DCUN1D4: variants seen among roughly 807,000 people sequenced by gnomAD.
DCUN1D4 encodes the protein DCN1-like protein 4.
Under a neutral mutation model 47.9 loss-of-function variants are expected in DCUN1D4, and 22 were observed. The ratio of observed to expected loss-of-function variants is 0.46; its 90% CI spans 0.33 to 0.66. The LOEUF (loss-of-function observed/expected upper bound fraction) is 0.66. Among genes scored for constraint, DCUN1D4 ranks in the 30% least tolerant of loss-of-function variants. DCUN1D4 has a pLI of 0.02. For missense variants in DCUN1D4, 301 were observed against 340.8 expected, an observed-to-expected ratio of 0.88 and a Z score of 0.92; for synonymous variants, 121 against 112.2, an observed-to-expected ratio of 1.08 and a Z score of -0.50.
chr4:51,880,433 C>G (rs1294207096), intron 5 of DCUN1D4, among the ~76,000 whole-genome samples: 4 of 152,124 alleles, frequency 2.6e-5, no homozygotes, highest in African/African-American at 9.7e-5. Context: ...CAGCGGGGGC[C>G]TGGTGTGTGA....
the DCUN1D4 span, among the ~76,000 whole-genome samples, chr4:51,837,017 T>C: frequency 2.0e-5 from 3 of 152,194 alleles, no homozygotes; most frequent in African/African-American, 7.2e-5. Flanking sequence ...GTCCAGCCCC[T>C]GCTAGCTGGA....
chr4:51,851,928 T>A (rs1214929579), intron 1 of DCUN1D4, among the ~76,000 whole-genome samples: 2 of 152,250 alleles, frequency 1.3e-5, no homozygotes, highest in Non-Finnish European at 1.5e-5. Flanking sequence ...ATGGTCTTGG[T>A]AACCCTCTAC....
Position 51,886,219 on chromosome 4 carries a change from A to G in DCUN1D4, c.344-349A>G, listed in dbSNP as rs183254475. 2.3e-3 allele frequency among the ~76,000 whole-genome samples: 343 copies of G among 152,264 alleles called. 1 individual carries two copies. Among genetic ancestry groups the G allele is most frequent in the African/African-American group, 7.7e-3 (319 of 41,554 alleles). On this transcript the variant is annotated intron_variant, in intron 5 of 10. Coordinates refer to ENST00000334635, the MANE Select transcript of DCUN1D4 (RefSeq NM_001040402.3). Reference sequence around the variant, plus strand: ...AGAGACTATTATGTGGTTCTTTGCTATGTTTCCAAAAATTATTTTATGTAT... The same window carrying G: ...AGAGACTATTATGTGGTTCTTTGCTGTGTTTCCAAAAATTATTTTATGTAT...
chr4:51,892,739 T>C (rs1730626663), intron 7 of DCUN1D4, among the ~76,000 whole-genome samples: 1 of 152,204 alleles, frequency 6.6e-6, no homozygotes, highest in Admixed American at 6.5e-5. Context: ...CATTCTATAT[T>C]AGGCCTTGAA....
chr4:51,909,387 C>T (rs1205112641), intron 8 of DCUN1D4: 5 of 183,082 alleles, frequency 2.7e-5, no homozygotes, highest in Non-Finnish European at 4.6e-5. Flanking sequence ...ACAGTTTACT[C>T]GTTTATCTTG....
chr4:51,914,077 A>G lies in DCUN1D4; in HGVS notation c.*493A>G, dbSNP rs1395917075. The stretch of plus-strand genomic sequence containing the variant: ...GTTTAAGAGGCCAACTTCTGGAAGG[A>G]GGTAGGAGTCATAACTTTTTAGAGG... On this transcript the variant is annotated 3_prime_UTR_variant, in exon 11 of 11. Transcript: ENST00000334635. 6.5e-6 allele frequency: 1 copy of G among 153,396 alleles called. No individual in the cohort carries two copies. The highest frequency in any genetic ancestry group is 1.5e-5 in the Non-Finnish European group (1 of 68,662). 9.5% of individuals were successfully genotyped at this position (153,396 alleles called of 1,614,324 possible). A position where few individuals can be genotyped will look rare whatever the true frequency, so the allele number is the denominator to read the frequency against.
chr4:51,868,775 G>A (rs566252372), intron 3 of DCUN1D4, among the ~76,000 whole-genome samples: 17 of 152,266 alleles, frequency 1.1e-4, no homozygotes, highest in Non-Finnish European at 1.8e-4. Context: ...AAGAGAGAAT[G>A]AATTAGTGGC....
chr4:51,904,075 A>G (rs1732513826), intron 8 of DCUN1D4, among the ~76,000 whole-genome samples: 2 of 151,252 alleles, frequency 1.3e-5, no homozygotes, highest in Non-Finnish European at 2.9e-5. Flanking sequence ...TATGAATTTT[A>G]GGTATTTGGT....
At chr4:51,866,087 G>C (rs1388198002) in intron 3 of DCUN1D4, among the ~76,000 whole-genome samples, 1 of 152,174 alleles carries the variant, frequency 6.6e-6, no homozygotes. Flanking sequence ...GAGTGAGACA[G>C]AGAGGCAGAG....
At chr4:51,844,714 G>T (rs1722232773) in intron 1 of DCUN1D4, among the ~76,000 whole-genome samples, 1 of 151,902 alleles carries the variant, frequency 6.6e-6, no homozygotes, top group Non-Finnish European at 1.5e-5. Context: ...CGCTTGAGGG[G>T]TTTCCTTTAG....
chr4:51,866,378 GTGATGATGA>G (rs540585746), intron 3 of DCUN1D4, among the ~76,000 whole-genome samples: 8 of 148,944 alleles, frequency 5.4e-5, no homozygotes, highest in Admixed American at 2.0e-4. Flanking sequence ...CCAAATTATG[GTGATGATGA>G]TGATGATGAT....
At chr4:51,911,007 G>A in intron 8 of DCUN1D4, 63 bp from the exon 9 acceptor site, 3 of 1,465,142 alleles carry the variant, frequency 2.0e-6, no homozygotes, top group Non-Finnish European at 2.9e-6. Context: ...ATACACATTT[G>A]CAATTATTGG....
chr4:51,839,878 C>T (rs903851175), upstream of DCUN1D4, among the ~76,000 whole-genome samples: 3 of 152,300 alleles, frequency 2.0e-5, no homozygotes, highest in Non-Finnish European at 2.9e-5. Context: ...TAGGGGAAAG[C>T]GTAACATTTG....
At chr4:51,845,065 CCTTA>C (rs1577809915) in intron 1 of DCUN1D4, 1 of 985,472 alleles carries the variant, frequency 1.0e-6, no homozygotes. Context: ...CATTTTGTGG[CCTTA>C]CTTGTGGAAT....
chr4:51,904,013 C>T (rs780408903), intron 8 of DCUN1D4, among the ~76,000 whole-genome samples: 25 of 151,982 alleles, frequency 1.6e-4, no homozygotes, highest in Middle Eastern at 3.4e-3. Flanking sequence ...GAGTTACTTG[C>T]CCAGCTTCTT....
At chr4:51,834,103 C>CTTTTTTTTTTTTTTTTTTTTTTTT in the DCUN1D4 span, among the ~76,000 whole-genome samples, 26 of 42,574 alleles carry the variant, frequency 6.1e-4, 5 homozygotes, top group South Asian at 2.1e-3. Flanking sequence ...TTTCTTCTTT[C>CTTTTTTTTTTTTTTTTTTTTTTTT]TTTTTTTTTT....
In DCUN1D4 at chr4:51,899,167, G is replaced by T. The variant is rs536465273; in HGVS notation, c.507-103G>T. 2.9e-6 allele frequency: 4 copies of T among 1,399,774 alleles called. No homozygotes were observed. In the East Asian group the frequency reaches 1.1e-4, roughly 39 times the overall value. 86.7% of individuals were successfully genotyped at this position (1,399,774 alleles called of 1,614,324 possible). A position where few individuals can be genotyped will look rare whatever the true frequency, so the allele number is the denominator to read the frequency against. ...AGGTTATGGATGTGTTTCAACTTCA[G>T]GGATTTGTTCTTTCCTTTGGTATTG... On this transcript the variant is annotated intron_variant, in intron 7 of 10. Coordinates refer to ENST00000334635, the MANE Select transcript of DCUN1D4 (RefSeq NM_001040402.3).
intron 1 of DCUN1D4, chr4:51,844,240 G>A: frequency 2.5e-6 from 2 of 794,526 alleles, no homozygotes; most frequent in Non-Finnish European, 3.0e-6. Context: ...TGTGCTTAGG[G>A]GAGGTACTTC....
In DCUN1D4 at chr4:51,911,115, T is replaced by C; in HGVS notation, c.661T>C (p.Leu221=). The C allele has an allele frequency of 1.9e-6, 3 of 1,613,244 alleles. No homozygotes were observed. Among genetic ancestry groups the C allele is most frequent in the Non-Finnish European group, 2.5e-6 (3 of 1,179,692 alleles). ...AGACATAAACACTGCCAAGTGCATG[T>C]TGGGACTGTTATTAGGAAAAATCTG... ...SLDINTAKCM[L]GLLLGKIWPL... is the part of the protein sequence containing the mutation. Residue 221 remains leucine (L), a synonymous_variant, in exon 9 of 11, where the codon TTG becomes CTG. Transcript: ENST00000334635.
Sources: allele counts gnomAD v4.1 joint callset (sites outside exome capture counted in the v4.1 genomes callset), GRCh38; gene constraint gnomAD v4.1.1; transcripts MANE v1.5; gene names NCBI Gene and HGNC (gene_info 2026-07-23, HGNC 2026-07-21).